Variants in IP6K1 observed in about 807,000 individuals in gnomAD.
IP6K1 encodes inositol hexakisphosphate kinase 1, also known as ATP:1D-myo-inositol-hexakisphosphate phosphotransferase.
Under a neutral mutation model 38.3 loss-of-function variants are expected in IP6K1, and 13 were observed. That is an observed-to-expected ratio of 0.34 (90% CI 0.22 to 0.54). The LOEUF (loss-of-function observed/expected upper bound fraction) is 0.54, where lower values mean the gene tolerates loss of function less well. Ranked by LOEUF, IP6K1 falls within the 20% of genes least tolerant of loss-of-function variation. The pLI is 0.92. For missense variants in IP6K1, 397 were observed against 599.8 expected (o/e 0.66, Z 3.53); for synonymous variants, 212 against 229.9 (o/e 0.92, Z 0.70).
chr3:49,781,484 T>C (rs958731178), intron 1 of IP6K1, among the ~76,000 whole-genome samples: 7 of 152,138 alleles, frequency 4.6e-5, no homozygotes, highest in African/African-American at 1.7e-4. Context: ...GGACGTTTTA[T>C]AAAGAAGGTA....
Position 49,773,629 on chromosome 3 carries a change from A to G in IP6K1, c.-129+12725T>C, listed in dbSNP as rs141573876. On this transcript the variant is annotated intron_variant, in intron 1 of 5. Transcript: ENST00000321599. Reference sequence around the variant, plus strand: ...GCAAGACTCCGTCTCAAAAATTAATAAATAAAAAAGATAGCCACATATTTT... The same window carrying G: ...GCAAGACTCCGTCTCAAAAATTAATGAATAAAAAAGATAGCCACATATTTT... Among the ~76,000 whole-genome samples, 1,011 of 152,328 alleles carry G rather than the reference A, an allele frequency of 6.6e-3. 17 individuals carry two copies. The highest frequency in any genetic ancestry group is 0.023 in the African/African-American group (961 of 41,576).
At position 49,725,282 on chromosome 3, in the gene IP6K1, C is replaced by A. The variant is rs1056852705; in HGVS notation, c.*1840G>T. 1.3e-5 allele frequency: 2 copies of A among 152,572 alleles called. No homozygotes were observed. The highest frequency in any genetic ancestry group is 4.1e-4 in the South Asian group (2 of 4,836). The allele number at this position is 152,572 out of a possible 1,614,324, so 9.5% of individuals were successfully genotyped here. ...CAAAAGGTCCCAAACAGTTCCAGAC[C>A]CTATGTCTTACCCTCCACCCTACCA... On this transcript the variant is annotated 3_prime_UTR_variant, in exon 6 of 6. Coordinates refer to ENST00000321599, the MANE Select transcript of IP6K1 (RefSeq NM_153273.4).
At chr3:49,760,930 G>A (rs1190312852) in intron 1 of IP6K1, among the ~76,000 whole-genome samples, 3 of 152,140 alleles carry the variant, frequency 2.0e-5, no homozygotes, top group Non-Finnish European at 2.9e-5. Flanking sequence ...CTCAGAGTGA[G>A]GTAATATATG....
At chr3:49,760,623 CA>C (rs56070382) in intron 1 of IP6K1, among the ~76,000 whole-genome samples, 2,139 of 100,314 alleles carry the variant, frequency 0.021, 43 homozygotes, top group African/African-American at 0.071. Flanking sequence ...GACTTCGTCT[CA>C]AAAAAAAAAA....
At chr3:49,771,939 C>T (rs2080963003) in intron 1 of IP6K1, among the ~76,000 whole-genome samples, 1 of 152,110 alleles carries the variant, frequency 6.6e-6, no homozygotes, top group African/African-American at 2.4e-5. Context: ...AGTGGCCAGG[C>T]GTGGTGGCTC....
chr3:49,762,873 G>A (rs2080878970), intron 1 of IP6K1, among the ~76,000 whole-genome samples: 1 of 151,824 alleles, frequency 6.6e-6, no homozygotes, highest in African/African-American at 2.4e-5. Context: ...CCAGGTTCAA[G>A]TGATTCTCCT....
At chr3:49,756,068 T>C (rs1270391755) in intron 1 of IP6K1, among the ~76,000 whole-genome samples, 2 of 152,200 alleles carry the variant, frequency 1.3e-5, no homozygotes, top group Admixed American at 6.6e-5. Flanking sequence ...GAAATGTGTA[T>C]AGATGTCTAG....
At chr3:49,767,237 T>C (rs914120214) in intron 1 of IP6K1, among the ~76,000 whole-genome samples, 54 of 151,742 alleles carry the variant, frequency 3.6e-4, no homozygotes, top group Admixed American at 1.8e-3. Context: ...TACATTCATA[T>C]CACTCATTCC....
At chr3:49,734,645 C>G (rs1233297305) in intron 3 of IP6K1, among the ~76,000 whole-genome samples, 4 of 152,080 alleles carry the variant, frequency 2.6e-5, no homozygotes, top group Admixed American at 6.5e-5. Context: ...GAGGAGCCCA[C>G]CAGTGCCTCT....
At chr3:49,729,820 A>C (rs2080548154) in intron 4 of IP6K1, among the ~76,000 whole-genome samples, 1 of 151,816 alleles carries the variant, frequency 6.6e-6, no homozygotes, top group Non-Finnish European at 1.5e-5. Flanking sequence ...AGCACTGACC[A>C]CCTGGGCTCA....
intron 1 of IP6K1, chr3:49,775,193 A>T (rs1416017666): frequency 6.3e-6 from 1 of 157,678 alleles, no homozygotes; most frequent in Non-Finnish European, 1.4e-5. Flanking sequence ...CATCAAAATC[A>T]CCAACAAGGC....
intron 1 of IP6K1, among the ~76,000 whole-genome samples, chr3:49,767,723 T>C (rs1262769959): frequency 2.6e-5 from 4 of 152,160 alleles, no homozygotes; most frequent in Admixed American, 6.6e-5. Flanking sequence ...CTGAGCAATA[T>C]AGTGAGATCC....
intron 1 of IP6K1, among the ~76,000 whole-genome samples, chr3:49,777,738 C>A (rs1292838748): frequency 1.3e-5 from 2 of 149,872 alleles, no homozygotes; most frequent in Admixed American, 1.3e-4. Flanking sequence ...CATGGTGAAA[C>A]CTTGTCTCTA....
chr3:49,736,047 G>C (rs1457852436), intron 3 of IP6K1, among the ~76,000 whole-genome samples: 1 of 152,062 alleles, frequency 6.6e-6, no homozygotes, highest in Non-Finnish European at 1.5e-5. Flanking sequence ...CTCCCAAGTA[G>C]CTGGGATTAC....
At chr3:49,764,446 A>C (rs928024790) in intron 1 of IP6K1, among the ~76,000 whole-genome samples, 3 of 152,178 alleles carry the variant, frequency 2.0e-5, no homozygotes, top group Non-Finnish European at 2.9e-5. Flanking sequence ...GTATGTTATC[A>C]GTGAGGCTTC....
intron 3 of IP6K1, among the ~76,000 whole-genome samples, chr3:49,737,357 G>A (rs1470738776): frequency 6.6e-6 from 1 of 152,074 alleles, no homozygotes; most frequent in Non-Finnish European, 1.5e-5. Context: ...CATCCTAGTG[G>A]GAGTTCATAT....
At chr3:49,731,907 G>GAAAAAAAAAA (rs1277207284) in intron 4 of IP6K1, among the ~76,000 whole-genome samples, 9 of 69,036 alleles carry the variant, frequency 1.3e-4, no homozygotes, top group Admixed American at 1.1e-3. Flanking sequence ...AAAAAAAAAG[G>GAAAAAAAAAA]AATTCCTATG....
chr3:49,743,577 G>A (rs1031150905), intron 2 of IP6K1, among the ~76,000 whole-genome samples: 3 of 150,362 alleles, frequency 2.0e-5, no homozygotes, highest in Non-Finnish European at 4.4e-5. Context: ...TACTCGGGGG[G>A]CTGAGGTGGG....
At chr3:49,766,643 G>A (rs968060084) in intron 1 of IP6K1, among the ~76,000 whole-genome samples, 3 of 149,386 alleles carry the variant, frequency 2.0e-5, no homozygotes, top group African/African-American at 7.4e-5. Context: ...CAGCCTGGGT[G>A]ACAGAACGAG....
Sources: gnomAD v4.1 joint callset for allele counts (sites outside exome capture counted in the v4.1 genomes callset) on GRCh38, gnomAD v4.1.1 for gene constraint, MANE v1.5 for transcripts, NCBI Gene and HGNC (gene_info 2026-07-23, HGNC 2026-07-21) for gene names.